GCNT4: variants seen among roughly 807,000 people sequenced by gnomAD.
The protein encoded by GCNT4 is beta-1,3-galactosyl-O-glycosyl-glycoprotein beta-1,6-N-acetylglucosaminyltransferase 4.
A neutral mutation model predicts 31.3 loss-of-function variants in GCNT4; 17 were observed. The observed-to-expected ratio is 0.54, with a 90% CI of 0.37 to 0.81. The LOEUF (loss-of-function observed/expected upper bound fraction) is 0.81. Ranked by LOEUF, GCNT4 falls within the 40% of genes least tolerant of loss-of-function variation. The pLI, the probability that GCNT4 is intolerant of heterozygous loss-of-function variation, is 0.00. For missense variants in GCNT4, 503 were observed against 525.5 expected, an observed-to-expected ratio of 0.96 and a Z score of 0.42; for synonymous variants, 158 against 190.6, an observed-to-expected ratio of 0.83 and a Z score of 1.41.
At chr5:75,053,834 G>T (rs1743648378), upstream of GCNT4, among the ~76,000 whole-genome samples, 2 of 152,150 alleles carry the variant, frequency 1.3e-5, no homozygotes, top group African/African-American at 2.4e-5. Context: ...CTCCGCCGCT[G>T]CCCGGAGCGT....
At chr5:75,048,663 C>T (rs1382699625) in intron 2 of GCNT4, among the ~76,000 whole-genome samples, 3 of 152,150 alleles carry the variant, frequency 2.0e-5, no homozygotes, top group Non-Finnish European at 4.4e-5. Flanking sequence ...TAGTACCACC[C>T]AAAAAGGAAA....
rs1303558307 is a variant in GCNT4, at chr5:75,027,337, A to ATATATATGTATATATAATATATATTCAT, written c.*1338_*1339insATGAATATATATTATATATACATATATA. On this transcript the variant is annotated 3_prime_UTR_variant, in exon 4 of 4. Transcript: ENST00000652361. ...GTATATATAATATATATTCATATACAATATATGTATATATAATATATATAT... is the reference window on the plus strand; with the variant it reads ...GTATATATAATATATATTCATATACATATATATGTATATATAATATATATTCATATATATGTATATATAATATATATAT... The ATATATATGTATATATAATATATATTCAT allele has an allele frequency of 1.0e-3, 49 of 48,006 alleles. 1 individual carries two copies. Among genetic ancestry groups the ATATATATGTATATATAATATATATTCAT allele is most frequent in the African/African-American group, 3.5e-3 (47 of 13,256 alleles). The allele number at this position is 48,006 out of a possible 1,614,324, so 3.0% of individuals were successfully genotyped here.
chr5:75,022,544 G>C (rs1742891925), downstream of GCNT4, among the ~76,000 whole-genome samples: 1 of 152,182 alleles, frequency 6.6e-6, no homozygotes, highest in South Asian at 2.1e-4. Context: ...TTAGGAACTT[G>C]TTAGAAATGC....
rs1287868872 is a variant in GCNT4, at chr5:75,026,537, G to A, written c.*2139C>T. ...AAGGTAAATGTTTAAGCCTTTCGAT[G>A]GGGTTGGACCTTTGCCTATACTACT... On this transcript the variant is annotated 3_prime_UTR_variant, in exon 4 of 4. Transcript: ENST00000652361. The A allele has an allele frequency of 1.3e-5, 2 of 151,402 alleles. No homozygotes were observed. The highest frequency in any genetic ancestry group is 4.9e-5 in the African/African-American group (2 of 41,038). 9.4% of individuals were successfully genotyped at this position (151,402 alleles called of 1,614,324 possible).
In GCNT4 at chr5:75,029,914, C is replaced by G. The variant is rs1204679356; in HGVS notation, c.124G>C (p.Asp42His). The change falls in exon 4 of 4, where the codon GAC (aspartate) becomes CAC (histidine). Residue 42 changes from aspartate to histidine, a missense_variant. By Grantham distance (81) the Asp-to-His change is moderately conservative (BLOSUM62 -1). Transcript: ENST00000652361. ...LNVRRLFPQK[D>H]IYLVEYSLST... ...AGGGAGTACTCAACCAAGTAAATGT[C>G]TTTTTGCGGAAAGAGTCGTCTCACA... is the stretch of plus-strand genomic sequence containing the variant. 1 of 1,613,992 alleles carries G rather than the reference C, an allele frequency of 6.2e-7. No homozygotes were observed. Among genetic ancestry groups the G allele is most frequent in the Non-Finnish European group, 8.5e-7 (1 of 1,180,000 alleles).
At chr5:75,024,985 G>A (rs73122553), downstream of GCNT4, among the ~76,000 whole-genome samples, 7,251 of 149,264 alleles carry the variant, frequency 0.049, 595 homozygotes, top group African/African-American at 0.17. Context: ...GGTAGAAAGG[G>A]AAGAATATTG....
At position 75,040,440 on chromosome 5, in the gene GCNT4, C is replaced by T. The variant is rs567482823; in HGVS notation, c.-2+7457G>A. ...CCCCCAGTATTAAAGACATCCATAC[C>T]TGGTACGGGGTAGTTGCTCAATGGG... On this transcript the variant is annotated intron_variant, in intron 3 of 3. Coordinates refer to ENST00000652361, the MANE Select transcript of GCNT4 (RefSeq NM_001366737.1). Among the ~76,000 whole-genome samples the T allele has an allele frequency of 7.2e-5, 11 of 152,278 alleles. No homozygotes were observed. The East Asian group carries it at 2.1e-3, about 29-fold the overall frequency.
chr5:75,024,389 G>A (rs916552295), downstream of GCNT4, among the ~76,000 whole-genome samples: 4 of 152,118 alleles, frequency 2.6e-5, no homozygotes, highest in Admixed American at 6.5e-5. Context: ...TTCCCCAAAT[G>A]CCCCAAATTC....
intron 3 of GCNT4, among the ~76,000 whole-genome samples, chr5:75,040,218 G>A (rs922345430): frequency 1.4e-5 from 2 of 146,988 alleles, no homozygotes; most frequent in African/African-American, 2.5e-5. Flanking sequence ...TCGCACTGTC[G>A]CTTAGGCTGG....
Position 75,026,276 on chromosome 5 carries a change from T to G in GCNT4, c.*2400A>C, listed in dbSNP as rs1742942383. The G allele has an allele frequency of 6.6e-6, 1 of 152,230 alleles. No homozygotes were observed. Among genetic ancestry groups the G allele is most frequent in the Non-Finnish European group, 1.5e-5 (1 of 68,042 alleles). The allele number at this position is 152,230 out of a possible 1,614,324, so 9.4% of individuals were successfully genotyped here. ...TGTTTTTCAGCATTTACGTTTATTC[T>G]GATGAGCAAAGGCATAAAAACCAAG... On this transcript the variant is annotated 3_prime_UTR_variant, in exon 4 of 4. Coordinates refer to ENST00000652361, the MANE Select transcript of GCNT4 (RefSeq NM_001366737.1).
At chr5:75,017,694 C>T in the GCNT4 span, among the ~76,000 whole-genome samples, 1 of 152,080 alleles carries the variant, frequency 6.6e-6, no homozygotes, top group African/African-American at 2.4e-5. Context: ...AGAACAAAGA[C>T]CCTCCGGAGC....
chr5:75,044,312 C>T (rs1743388843), intron 3 of GCNT4, among the ~76,000 whole-genome samples: 1 of 152,030 alleles, frequency 6.6e-6, no homozygotes, highest in South Asian at 2.1e-4. Flanking sequence ...GACCCCATTC[C>T]TCTTCTTTCT....
At position 75,029,692 on chromosome 5, in the gene GCNT4, G is replaced by C. The variant is rs1386151071; in HGVS notation, c.346C>G (p.Leu116Val). 6.2e-7 allele frequency: 1 copy of C among 1,614,110 alleles called. No individual in the cohort carries two copies. The highest frequency in any genetic ancestry group is 8.5e-7 in the Non-Finnish European group (1 of 1,180,020). ...ACAAGCTTTTGAGCATAACCTCTTA[G>C]AGTCTGATAAATGTCACAATCACTG... is the stretch of plus-strand genomic sequence containing the variant. ...MTSDCDIYQT[L>V]RGYAQKLVSK... Residue 116 changes from leucine to valine, a missense_variant, in exon 4 of 4, where the codon CTA becomes GTA. By Grantham distance (32) the Leu-to-Val change is conservative. Transcript: ENST00000652361.
upstream of GCNT4, among the ~76,000 whole-genome samples, chr5:75,053,257 C>A (rs1021106740): frequency 6.6e-6 from 1 of 151,930 alleles, no homozygotes; most frequent in African/African-American, 2.4e-5. Context: ...TGTCCGTCCG[C>A]CGCGCGCTCT....
At chr5:75,024,569 G>T (rs916692347), downstream of GCNT4, among the ~76,000 whole-genome samples, 2 of 152,142 alleles carry the variant, frequency 1.3e-5, no homozygotes, top group Non-Finnish European at 2.9e-5. Flanking sequence ...GTAGAGCTGG[G>T]AGAACAGAGC....
At chr5:75,020,421 G>C (rs554537312), downstream of GCNT4, among the ~76,000 whole-genome samples, 73 of 152,298 alleles carry the variant, frequency 4.8e-4, no homozygotes, top group African/African-American at 1.6e-3. Context: ...AAAGAGTTAG[G>C]CTGCTGACCC....
At position 75,028,365 on chromosome 5, in the gene GCNT4, A is replaced by G. The variant is rs1199603705; in HGVS notation, c.*311T>C. On this transcript the variant is annotated 3_prime_UTR_variant, in exon 4 of 4. Transcript: ENST00000652361. ...AGATACCGAGGTTGCTATGATGAGGATAAGCCGCAGTCTCTAAAAAAGTGC... is the reference window on the plus strand; with the variant it reads ...AGATACCGAGGTTGCTATGATGAGGGTAAGCCGCAGTCTCTAAAAAAGTGC... The G allele has an allele frequency of 6.8e-6, 2 of 296,010 alleles. No homozygotes were observed. The highest frequency in any genetic ancestry group is 7.1e-5 in the East Asian group (1 of 14,056). The allele number at this position is 296,010 out of a possible 1,614,324, so 18.3% of individuals were successfully genotyped here. A position where few individuals can be genotyped will look rare whatever the true frequency, so the allele number is the denominator to read the frequency against.
At chr5:75,022,421 G>T (rs1304484999), downstream of GCNT4, among the ~76,000 whole-genome samples, 1 of 152,098 alleles carries the variant, frequency 6.6e-6, no homozygotes, top group Non-Finnish European at 1.5e-5. Flanking sequence ...TGCAAAATTT[G>T]GTGGTTTCTA....
chr5:75,024,189 A>C (rs1476825887), downstream of GCNT4, among the ~76,000 whole-genome samples: 1 of 152,234 alleles, frequency 6.6e-6, no homozygotes. Context: ...GAACAAAAAA[A>C]TATGAAACTT....
Sources: allele counts gnomAD v4.1 joint callset (sites outside exome capture counted in the v4.1 genomes callset), GRCh38; gene constraint gnomAD v4.1.1; transcripts MANE v1.5; gene names NCBI Gene and HGNC (gene_info 2026-07-23, HGNC 2026-07-21).